The following PLCB1 variants were observed in gnomAD, a reference collection of about 807,000 sequenced individuals.
PLCB1 encodes the protein 1-phosphatidylinositol 4,5-bisphosphate phosphodiesterase beta-1.
Under a neutral mutation model 161.8 loss-of-function variants are expected in PLCB1, and 46 were observed. The ratio of observed to expected loss-of-function variants is 0.28; its 90% CI spans 0.22 to 0.36. The LOEUF (loss-of-function observed/expected upper bound fraction) is 0.36, where lower values mean the gene tolerates loss of function less well. PLCB1 is among the 10% of genes least tolerant of loss of function. The probability of loss-of-function intolerance (pLI) is 1.00; values close to 1 mark genes in which losing one functional copy is unlikely to be tolerated. For missense variants in PLCB1, 1,016 were observed against 1,472.5 expected, an observed-to-expected ratio of 0.69 and a Z score of 5.07; for synonymous variants, 517 against 503.7, an observed-to-expected ratio of 1.03 and a Z score of -0.35.
intron 2 of PLCB1, among the ~76,000 whole-genome samples, chr20:8,260,789 C>T (rs1397967682): frequency 2.0e-5 from 3 of 152,086 alleles, no homozygotes; most frequent in Non-Finnish European, 4.4e-5. Context: ...AACTTCTATA[C>T]CCAAGGCATG....
intron 3 of PLCB1, among the ~76,000 whole-genome samples, chr20:8,565,400 T>C (rs950094128): frequency 6.6e-6 from 1 of 152,056 alleles, no homozygotes; most frequent in African/African-American, 2.4e-5. Flanking sequence ...GACATGTTGA[T>C]GGGTGCAGCA....
At chr20:8,678,540 A>G (rs1199054590) in intron 9 of PLCB1, among the ~76,000 whole-genome samples, 1 of 152,216 alleles carries the variant, frequency 6.6e-6, no homozygotes, top group Non-Finnish European at 1.5e-5. Flanking sequence ...GCAGCCATAG[A>G]ATAATTCTAA....
rs1192862977 is a variant in PLCB1 at position 8,789,214 on chromosome 20, C to CA, written c.3279-297dup. The stretch of plus-strand genomic sequence containing the variant: ...GCAACACAGGGAGACTCTGTCTCTA[C>CA]AAAAAAATTTTAAGATTAGCTGGGT... On this transcript the variant is annotated intron_variant, in intron 29 of 31. Coordinates refer to ENST00000338037, the MANE Select transcript of PLCB1 (RefSeq NM_015192.4). 4.6e-5 allele frequency among the ~76,000 whole-genome samples: 7 copies of CA among 152,080 alleles called. No individual in the cohort carries two copies. In the East Asian group the frequency reaches 1.2e-3, roughly 25 times the overall value.
chr20:8,186,951 G>A (rs1345968390), intron 2 of PLCB1, among the ~76,000 whole-genome samples: 1 of 152,108 alleles, frequency 6.6e-6, no homozygotes, highest in Admixed American at 6.6e-5. Context: ...GTCATTGCTG[G>A]GAGTGCTAGA....
At chr20:8,519,222 C>T (rs533245809) in intron 3 of PLCB1, among the ~76,000 whole-genome samples, 8 of 151,980 alleles carry the variant, frequency 5.3e-5, no homozygotes, top group Non-Finnish European at 8.8e-5. Context: ...CTTGCTTTCT[C>T]GGTAGCTTAC....
chr20:8,322,684 T>C (rs1984973586), intron 2 of PLCB1, among the ~76,000 whole-genome samples: 1 of 152,142 alleles, frequency 6.6e-6, no homozygotes, highest in Non-Finnish European at 1.5e-5. Flanking sequence ...AAAACACTTA[T>C]CCAAATCTAC....
At chr20:8,237,140 T>C (rs1980368371) in intron 2 of PLCB1, among the ~76,000 whole-genome samples, 2 of 152,160 alleles carry the variant, frequency 1.3e-5, no homozygotes, top group Middle Eastern at 3.4e-3. Context: ...GAAATTATAA[T>C]GAAAGTAGGC....
At chr20:8,218,817 C>G (rs1179383273) in intron 2 of PLCB1, among the ~76,000 whole-genome samples, 2 of 151,910 alleles carry the variant, frequency 1.3e-5, no homozygotes, top group Non-Finnish European at 2.9e-5. Context: ...CATTCCTGCA[C>G]AAGTTTCAAA....
At chr20:8,290,349 A>G (rs1983328516) in intron 2 of PLCB1, among the ~76,000 whole-genome samples, 1 of 152,164 alleles carries the variant, frequency 6.6e-6, no homozygotes. Context: ...TGGGAAAGTG[A>G]GACAGGGAGA....
intron 3 of PLCB1, among the ~76,000 whole-genome samples, chr20:8,492,858 G>A (rs1055249499): frequency 6.6e-5 from 10 of 151,714 alleles, no homozygotes; most frequent in African/African-American, 2.4e-4. Context: ...ATGTGTGTGT[G>A]TGTGTGTGTG....
At chr20:8,366,765 G>A (rs1029686952) in intron 2 of PLCB1, among the ~76,000 whole-genome samples, 4 of 149,524 alleles carry the variant, frequency 2.7e-5, no homozygotes, top group Admixed American at 1.3e-4. Flanking sequence ...GGTTCTTTTA[G>A]TACATGCCTC....
Position 8,697,655 on chromosome 20 carries a change from G to A in PLCB1, c.1039G>A (p.Glu347Lys). The change falls in exon 11 of 32, where the codon GAG becomes AAG. Residue 347 changes from glutamate to lysine, a missense_variant. By Grantham distance (56) the Glu-to-Lys change is moderately conservative. This residue lies in a region of PLCB1 where 9 missense variants were observed against 45.4 expected (regional missense o/e 0.20). Transcript: ENST00000338037. Reference sequence around the variant, plus strand: ...CCAACTGGCTGGAAACTCCTCTGTTGAGATGTATCGCCAAGTGCTCCTGTC... The same window carrying A: ...CCAACTGGCTGGAAACTCCTCTGTTAAGATGTATCGCCAAGTGCTCCTGTC... ...AGQLAGNSSV[E>K]MYRQVLLSGC... 6.2e-7 allele frequency: 1 copy of A among 1,614,180 alleles called. No homozygotes were observed. Among genetic ancestry groups the A allele is most frequent in the East Asian group, 2.2e-5 (1 of 44,890 alleles).
chr20:8,475,038 C>G (rs1266223216), intron 3 of PLCB1, among the ~76,000 whole-genome samples: 1 of 151,474 alleles, frequency 6.6e-6, no homozygotes, highest in Non-Finnish European at 1.5e-5. Flanking sequence ...CACACAGACA[C>G]ACACACACAC....
Position 8,132,636 on chromosome 20 carries a change from G to A in PLCB1, c.-16G>A, listed in dbSNP as rs2051303436. ...GCCGCGCTCGCCCGGGCCGCCCGGA[G>A]CCCAGATGAGCCCAGATGGCCGGGG... is the stretch of plus-strand genomic sequence containing the variant. On this transcript the variant is annotated 5_prime_UTR_variant, in exon 1 of 32. Transcript: ENST00000338037. This position sits in a 1 kb window ranked among gnomAD's most constrained non-coding sequence, Gnocchi z 5.2. 3 of 1,594,602 alleles carry A rather than the reference G, an allele frequency of 1.9e-6. No homozygotes were observed. Among genetic ancestry groups the A allele is most frequent in the Middle Eastern group, 3.5e-4 (2 of 5,738 alleles).
chr20:8,398,140 T>TA (rs150442878), intron 3 of PLCB1, among the ~76,000 whole-genome samples: 3,009 of 152,220 alleles, frequency 0.02, 113 homozygotes, highest in African/African-American at 0.069. Flanking sequence ...ATGTGATCAA[T>TA]ACATTTTAAC....
chr20:8,333,696 C>A (rs928909053), intron 2 of PLCB1, among the ~76,000 whole-genome samples: 1 of 152,056 alleles, frequency 6.6e-6, no homozygotes, highest in South Asian at 2.1e-4. Flanking sequence ...GATGAGAAAC[C>A]CTGTCTTAGG....
At chr20:8,178,415 C>T (rs1433241733) in intron 2 of PLCB1, among the ~76,000 whole-genome samples, 1 of 152,128 alleles carries the variant, frequency 6.6e-6, no homozygotes, top group African/African-American at 2.4e-5. Context: ...ATCATTTTTT[C>T]ATGTGCTTGT....
chr20:8,829,390 G>C (rs757074620), intron 31 of PLCB1, among the ~76,000 whole-genome samples: 10 of 152,214 alleles, frequency 6.6e-5, no homozygotes, highest in Non-Finnish European at 1.5e-4. Flanking sequence ...CCATTGACCA[G>C]TAGGGGATAA....
chr20:8,564,043 TC>T lies in PLCB1; in HGVS notation c.247-64249del, dbSNP rs563111394. 2.0e-3 allele frequency among the ~76,000 whole-genome samples: 298 copies of T among 152,076 alleles called. 1 individual carries two copies. Among genetic ancestry groups the T allele is most frequent in the African/African-American group, 6.9e-3 (288 of 41,488 alleles). ...AAAAGAGCCCACGTAGCCAAGACAA[TC>T]CTAAGCAAAAAGAACAAAGCTGGAG... On this transcript the variant is annotated intron_variant, in intron 3 of 31. Coordinates refer to ENST00000338037, the MANE Select transcript of PLCB1 (RefSeq NM_015192.4).
Sources: gnomAD v4.1 joint callset for allele counts (sites outside exome capture counted in the v4.1 genomes callset) on GRCh38, gnomAD v4.1.1 for gene constraint, gnomAD v4.1.1 regional missense constraint, Gnocchi (gnomAD v3.1) non-coding constraint, MANE v1.5 for transcripts, NCBI Gene and HGNC (gene_info 2026-07-23, HGNC 2026-07-21) for gene names.